STPG2: variants seen among roughly 807,000 people sequenced by gnomAD.
STPG2 encodes the protein sperm tail PG-rich repeat containing 2.
A neutral mutation model predicts 54.2 loss-of-function variants in STPG2; 56 were observed. That is an observed-to-expected ratio of 1.03 (90% CI 0.83 to 1.29). The LOEUF is 1.29. Among genes scored for constraint, STPG2 ranks in the 50% most tolerant of loss-of-function variants. The pLI is 0.00. For missense variants in STPG2, 596 were observed against 544.9 expected (o/e 1.09, Z -0.93); for synonymous variants, 200 against 181.8 (o/e 1.10, Z -0.81).
At chr4:98,021,595 C>T (rs1415559144) in intron 5 of STPG2, among the ~76,000 whole-genome samples, 2 of 152,104 alleles carry the variant, frequency 1.3e-5, no homozygotes, top group East Asian at 1.9e-4. Flanking sequence ...TCTCATTGAT[C>T]GGTCTAATGT....
At chr4:97,719,236 C>T (rs1724377094) in intron 9 of STPG2, among the ~76,000 whole-genome samples, 1 of 151,908 alleles carries the variant, frequency 6.6e-6, no homozygotes, top group Admixed American at 6.6e-5. Context: ...CTACAGCTCA[C>T]AGGGTTTATT....
intron 3 of STPG2, among the ~76,000 whole-genome samples, chr4:98,118,212 C>T (rs1440991038): frequency 2.0e-5 from 3 of 152,056 alleles, no homozygotes; most frequent in African/African-American, 4.8e-5. Context: ...CCAACCTTTG[C>T]CAAGGCCCTC....
At chr4:97,504,140 A>T (rs924066340) in intron 4 of STPG2, among the ~76,000 whole-genome samples, 23 of 143,416 alleles carry the variant, frequency 1.6e-4, no homozygotes, top group Non-Finnish European at 2.9e-4. Flanking sequence ...TATTTTATTT[A>T]ATATTTAATA....
chr4:97,736,619 C>A (rs1317489068), intron 9 of STPG2, among the ~76,000 whole-genome samples: 1 of 152,144 alleles, frequency 6.6e-6, no homozygotes, highest in Non-Finnish European at 1.5e-5. Flanking sequence ...AGCACAGCAG[C>A]CTGAGATCAA....
At chr4:97,934,968 T>C (rs529188295) in intron 8 of STPG2, among the ~76,000 whole-genome samples, 1 of 152,322 alleles carries the variant, frequency 6.6e-6, no homozygotes, top group East Asian at 1.9e-4. Context: ...AGAATTTGTC[T>C]GTGAATTCAT....
At chr4:97,740,585 C>A (rs1725191786) in intron 9 of STPG2, among the ~76,000 whole-genome samples, 1 of 151,980 alleles carries the variant, frequency 6.6e-6, no homozygotes, top group African/African-American at 2.4e-5. Context: ...AACAGAGAGC[C>A]AAATCATGAA....
chr4:98,018,168 C>A (rs188646699), intron 5 of STPG2, among the ~76,000 whole-genome samples: 168 of 152,060 alleles, frequency 1.1e-3, no homozygotes, highest in African/African-American at 3.9e-3. Context: ...TCCCTCCCCC[C>A]ATCCCCACCC....
At chr4:97,690,808 C>T (rs1474354855) in intron 10 of STPG2, among the ~76,000 whole-genome samples, 1 of 152,010 alleles carries the variant, frequency 6.6e-6, no homozygotes, top group Non-Finnish European at 1.5e-5. Flanking sequence ...AGGCAAATAG[C>T]AAAACTTGGG....
chr4:97,828,185 A>G (rs149877900), intron 9 of STPG2, among the ~76,000 whole-genome samples: 1 of 152,194 alleles, frequency 6.6e-6, no homozygotes, highest in Non-Finnish European at 1.5e-5. Context: ...CCAACTGAGT[A>G]CCCAGTTCAT....
At chr4:97,557,680 G>A (rs1451923564), downstream of STPG2, among the ~76,000 whole-genome samples, 1 of 152,174 alleles carries the variant, frequency 6.6e-6, no homozygotes, top group South Asian at 2.1e-4. Context: ...TCAGGCAAGA[G>A]AAAGAGCTAC....
chr4:97,719,018 T>C (rs1364501670), intron 9 of STPG2, among the ~76,000 whole-genome samples: 1 of 151,932 alleles, frequency 6.6e-6, no homozygotes, highest in Non-Finnish European at 1.5e-5. Context: ...AGATTTTGGA[T>C]TTTCAGATTA....
intron 10 of STPG2, among the ~76,000 whole-genome samples, chr4:97,638,026 G>T (rs1479899908): frequency 6.6e-6 from 1 of 151,970 alleles, no homozygotes; most frequent in Non-Finnish European, 1.5e-5. Flanking sequence ...AAAAGAGCCC[G>T]CATCGCCAAG....
chr4:98,031,591 A>C (rs977540207), intron 5 of STPG2, among the ~76,000 whole-genome samples: 51 of 152,288 alleles, frequency 3.3e-4, no homozygotes, highest in African/African-American at 1.2e-3. Flanking sequence ...AGGCTGAGGC[A>C]GCAGAATCGC....
intron 10 of STPG2, among the ~76,000 whole-genome samples, chr4:97,565,916 A>T (rs563717752): frequency 6.6e-6 from 1 of 152,170 alleles, no homozygotes. Flanking sequence ...CAGTCTGCCC[A>T]TTCTCAGATC....
chr4:97,657,149 T>C (rs1283188498), intron 10 of STPG2, among the ~76,000 whole-genome samples: 6 of 151,984 alleles, frequency 3.9e-5, no homozygotes, highest in Non-Finnish European at 8.8e-5. Flanking sequence ...AATAATGGAA[T>C]AAAATAAGTG....
intron 4 of STPG2, among the ~76,000 whole-genome samples, chr4:97,467,603 A>AGTAT (rs1729818756): frequency 6.6e-6 from 1 of 152,014 alleles, no homozygotes; most frequent in Non-Finnish European, 1.5e-5. Flanking sequence ...TATTAAAAAG[A>AGTAT]AACCAGTCTG....
chr4:97,929,369 T>C (rs1732453800), intron 8 of STPG2, among the ~76,000 whole-genome samples: 1 of 152,240 alleles, frequency 6.6e-6, no homozygotes, highest in Non-Finnish European at 1.5e-5. Flanking sequence ...TAGAACAATT[T>C]ATATTCCTTT....
intron 4 of STPG2, among the ~76,000 whole-genome samples, chr4:97,483,808 T>C (rs1730285034): frequency 6.6e-6 from 1 of 151,832 alleles, no homozygotes; most frequent in Non-Finnish European, 1.5e-5. Flanking sequence ...TTCTCCAAGA[T>C]AGATCATATG....
chr4:97,685,978 T>A (rs1042459221), intron 10 of STPG2, among the ~76,000 whole-genome samples: 2 of 152,218 alleles, frequency 1.3e-5, no homozygotes, highest in African/African-American at 4.8e-5. Context: ...ACCCTCAAAA[T>A]TCATAATGTC....
Sources: allele counts gnomAD v4.1 joint callset (sites outside exome capture counted in the v4.1 genomes callset), GRCh38; gene constraint gnomAD v4.1.1; transcripts MANE v1.5; gene names NCBI Gene and HGNC (gene_info 2026-07-23, HGNC 2026-07-21).